The following CFAP299 variants were observed in gnomAD, a reference collection of about 807,000 sequenced individuals.
CFAP299 encodes the protein cilia- and flagella-associated protein 299.
In CFAP299, 21 loss-of-function variants were observed where a neutral mutation model predicts 27.0. The observed-to-expected ratio is 0.78, with a 90% CI of 0.55 to 1.12. The LOEUF is 1.12. Among genes scored for constraint, CFAP299 ranks in the 50% most tolerant of loss-of-function variants. CFAP299 has a pLI of 0.00. For missense variants in CFAP299, 310 were observed against 276.6 expected, an observed-to-expected ratio of 1.12 and a Z score of -0.86; for synonymous variants, 104 against 98.1, an observed-to-expected ratio of 1.06 and a Z score of -0.36.
chr4:80,352,063 G>C (rs1723040937), intron 1 of CFAP299, among the ~76,000 whole-genome samples: 1 of 151,942 alleles, frequency 6.6e-6, no homozygotes, highest in Non-Finnish European at 1.5e-5. Context: ...GTATTTCAGG[G>C]AAAAAGAAGG....
chr4:80,825,897 A>T (rs182227142), intron 3 of CFAP299, among the ~76,000 whole-genome samples: 94 of 152,080 alleles, frequency 6.2e-4, no homozygotes, highest in African/African-American at 2.2e-3. Context: ...GTCTACATTA[A>T]AGACACCAAT....
At chr4:80,417,854 C>T (rs186642626) in intron 2 of CFAP299, among the ~76,000 whole-genome samples, 188 of 151,706 alleles carry the variant, frequency 1.2e-3, no homozygotes, top group African/African-American at 4.3e-3. Flanking sequence ...GCCCTTTTTG[C>T]CCTTCTGTCT....
intron 4 of CFAP299, among the ~76,000 whole-genome samples, chr4:80,926,133 A>G (rs1482407143): frequency 6.6e-6 from 1 of 152,088 alleles, no homozygotes; most frequent in Non-Finnish European, 1.5e-5. Context: ...AGAAAACAGT[A>G]TGCTCCCAGG....
chr4:80,528,367 T>G (rs1383163742), intron 2 of CFAP299, among the ~76,000 whole-genome samples: 1 of 152,140 alleles, frequency 6.6e-6, no homozygotes, highest in East Asian at 1.9e-4. Context: ...TAGCTCTTAC[T>G]GATCATATTT....
intron 3 of CFAP299, among the ~76,000 whole-genome samples, chr4:80,731,490 T>TG (rs1455191563): frequency 6.6e-6 from 1 of 152,184 alleles, no homozygotes; most frequent in Non-Finnish European, 1.5e-5. Flanking sequence ...TCGGGCCCAC[T>TG]GGCCATTTCA....
intron 3 of CFAP299, among the ~76,000 whole-genome samples, chr4:80,808,668 C>A (rs1461698252): frequency 1.3e-5 from 2 of 152,044 alleles, no homozygotes; most frequent in African/African-American, 2.4e-5. Flanking sequence ...AACTACTAAC[C>A]TGCTATTCCA....
intron 3 of CFAP299, among the ~76,000 whole-genome samples, chr4:80,717,349 A>C (rs371843024): frequency 4.6e-5 from 7 of 152,146 alleles, no homozygotes; most frequent in South Asian, 2.1e-4. Context: ...AGAGAAGAGA[A>C]CCAGAACGTC....
chr4:80,929,383 C>G, intron 4 of CFAP299, among the ~76,000 whole-genome samples: 1 of 151,950 alleles, frequency 6.6e-6, no homozygotes, highest in African/African-American at 2.4e-5. Context: ...TGTAGCACCA[C>G]TATCCCTCCA....
At chr4:80,549,015 C>T (rs1250701658) in intron 2 of CFAP299, among the ~76,000 whole-genome samples, 2 of 152,054 alleles carry the variant, frequency 1.3e-5, no homozygotes, top group Non-Finnish European at 2.9e-5. Flanking sequence ...TCACATGTTT[C>T]AAGCACTGTA....
chr4:80,361,543 A>T (rs902530970), intron 1 of CFAP299, among the ~76,000 whole-genome samples: 1 of 152,198 alleles, frequency 6.6e-6, no homozygotes, highest in Non-Finnish European at 1.5e-5. Flanking sequence ...GTTCACACTA[A>T]AGGATACTGG....
At chr4:80,673,264 T>C (rs1208267293) in intron 3 of CFAP299, among the ~76,000 whole-genome samples, 1 of 152,186 alleles carries the variant, frequency 6.6e-6, no homozygotes, top group African/African-American at 2.4e-5. Context: ...CATTTCGTTA[T>C]TTACCCAGTA....
intron 2 of CFAP299, among the ~76,000 whole-genome samples, chr4:80,489,290 T>C (rs1471309876): frequency 6.6e-6 from 1 of 152,194 alleles, no homozygotes; most frequent in Non-Finnish European, 1.5e-5. Context: ...TTGAAATGGC[T>C]GCAGCTTCTC....
intron 3 of CFAP299, among the ~76,000 whole-genome samples, chr4:80,864,492 A>ACT: frequency 6.8e-6 from 1 of 147,218 alleles, no homozygotes; most frequent in South Asian, 2.1e-4. Context: ...ATATATACAC[A>ACT]TATATATACA....
chr4:80,435,811 C>T (rs1257132580), intron 2 of CFAP299, among the ~76,000 whole-genome samples: 1 of 152,130 alleles, frequency 6.6e-6, no homozygotes, highest in East Asian at 1.9e-4. Context: ...ATCAATTCCC[C>T]TTTTTGCTCA....
At chr4:80,386,484 G>T in intron 2 of CFAP299, 1 of 1,546,832 alleles carries the variant, frequency 6.5e-7, no homozygotes, top group East Asian at 2.3e-5. Context: ...GCCACGGCGC[G>T]GGGCTGCCCT....
chr4:80,919,325 C>T (rs1735924147), intron 4 of CFAP299, among the ~76,000 whole-genome samples: 1 of 152,106 alleles, frequency 6.6e-6, no homozygotes, highest in South Asian at 2.1e-4. Context: ...GTTGAATTAA[C>T]ACACAGCCCT....
At chr4:80,954,367 T>C (rs569658954) in intron 5 of CFAP299, among the ~76,000 whole-genome samples, 1 of 152,252 alleles carries the variant, frequency 6.6e-6, no homozygotes, top group Non-Finnish European at 1.5e-5. Flanking sequence ...TTCTCAAAAA[T>C]TGAAATCCCA....
At chr4:80,729,141 A>G (rs1723339997) in intron 3 of CFAP299, among the ~76,000 whole-genome samples, 1 of 152,202 alleles carries the variant, frequency 6.6e-6, no homozygotes, top group South Asian at 2.1e-4. Flanking sequence ...TCATCCACGC[A>G]ATTGAGGCCA....
intron 4 of CFAP299, among the ~76,000 whole-genome samples, chr4:80,935,685 G>A (rs780767694): frequency 3.3e-5 from 5 of 152,004 alleles, no homozygotes; most frequent in Non-Finnish European, 5.9e-5. Flanking sequence ...GATGCCAAAA[G>A]CAATTGTAAC....
Sources: allele counts gnomAD v4.1 joint callset (sites outside exome capture counted in the v4.1 genomes callset), GRCh38; gene constraint gnomAD v4.1.1; transcripts MANE v1.5; gene names NCBI Gene and HGNC (gene_info 2026-07-23, HGNC 2026-07-21).